Variants in ATP8B4 observed in about 807,000 individuals in gnomAD.
The protein encoded by ATP8B4 is ATPase phospholipid transporting 8B4 (putative).
In ATP8B4, 133 loss-of-function variants were observed where a neutral mutation model predicts 145.6. The observed-to-expected ratio is 0.91, with a 90% confidence interval of 0.79 to 1.05. ATP8B4 has a LOEUF of 1.05. Among genes scored for constraint, ATP8B4 ranks in the 50% least tolerant of loss-of-function variants. ATP8B4 has a pLI of 0.00. For missense variants in ATP8B4, 1,458 were observed against 1,425.2 expected (o/e 1.02, Z -0.37); for synonymous variants, 507 against 492.9 (o/e 1.03, Z -0.38).
At chr15:49,905,236 T>C (rs2038474669) in intron 20 of ATP8B4, among the ~76,000 whole-genome samples, 1 of 152,242 alleles carries the variant, frequency 6.6e-6, no homozygotes, top group South Asian at 2.1e-4. Flanking sequence ...TGAAATAATC[T>C]AAGCACATTT....
intron 6 of ATP8B4, among the ~76,000 whole-genome samples, chr15:50,034,456 C>T (rs2050687027): frequency 6.6e-6 from 1 of 152,124 alleles, no homozygotes; most frequent in Non-Finnish European, 1.5e-5. Context: ...TCTCAAACTC[C>T]TGATCTCAGG....
intron 25 of ATP8B4, among the ~76,000 whole-genome samples, chr15:49,867,457 C>G (rs946682055): frequency 2.0e-5 from 3 of 152,192 alleles, no homozygotes; most frequent in Non-Finnish European, 4.4e-5. Flanking sequence ...AAAAGTACAG[C>G]CTTTTCTCCC....
intron 14 of ATP8B4, among the ~76,000 whole-genome samples, chr15:49,953,363 G>A (rs1178170796): frequency 2.0e-5 from 3 of 152,184 alleles, no homozygotes; most frequent in Admixed American, 6.5e-5. Context: ...CCCCCTAGGG[G>A]CTCAGGTCCA....
intron 1 of ATP8B4, among the ~76,000 whole-genome samples, chr15:50,148,397 C>T (rs766047732): frequency 3.9e-5 from 6 of 152,040 alleles, no homozygotes; most frequent in East Asian, 1.9e-4. Context: ...GAATGTGTCC[C>T]CTCCAAAATG....
intron 1 of ATP8B4, among the ~76,000 whole-genome samples, chr15:50,172,487 TC>T (rs1405062559): frequency 6.6e-6 from 1 of 152,196 alleles, no homozygotes; most frequent in African/African-American, 2.4e-5. Flanking sequence ...TGATCTCGGC[TC>T]GCTACAACCT....
At chr15:49,881,285 G>A (rs2035373517) in intron 23 of ATP8B4, among the ~76,000 whole-genome samples, 1 of 152,220 alleles carries the variant, frequency 6.6e-6, no homozygotes, top group South Asian at 2.1e-4. Context: ...ATAATCTCAA[G>A]AGCATAAATA....
chr15:50,133,413 T>C (rs2044075561), intron 1 of ATP8B4, among the ~76,000 whole-genome samples: 2 of 147,782 alleles, frequency 1.4e-5, no homozygotes, highest in African/African-American at 4.9e-5. Flanking sequence ...ACTTCATCTC[T>C]ACAAAAAAAA....
intron 1 of ATP8B4, among the ~76,000 whole-genome samples, chr15:50,114,103 C>CTTGTTTT (rs2057080609): frequency 1.8e-5 from 1 of 55,644 alleles, no homozygotes; most frequent in Non-Finnish European, 3.1e-5. Context: ...CTCCTAGTTT[C>CTTGTTTT]TTTTTTTTTT....
intron 9 of ATP8B4, among the ~76,000 whole-genome samples, chr15:49,995,904 A>C (rs931427259): frequency 1.3e-5 from 2 of 151,886 alleles, no homozygotes; most frequent in East Asian, 3.9e-4. Flanking sequence ...AAAATCCTAC[A>C]ATCAGTGTCT....
chr15:50,069,366 G>T (rs906869781), intron 3 of ATP8B4, among the ~76,000 whole-genome samples: 1 of 152,098 alleles, frequency 6.6e-6, no homozygotes. Flanking sequence ...AATGTGATTT[G>T]CAGCTTTAGA....
intron 1 of ATP8B4, among the ~76,000 whole-genome samples, chr15:50,147,618 T>TGGAACATCTTTTGTTTC (rs956519865): frequency 6.6e-6 from 1 of 152,146 alleles, no homozygotes; most frequent in Admixed American, 6.5e-5. Context: ...AAGGTGATCC[T>TGGAACATCTTTTGTTTC]GGAACATCTT....
intron 17 of ATP8B4, among the ~76,000 whole-genome samples, chr15:49,921,347 CTGAT>C (rs1322350765): frequency 6.6e-6 from 1 of 152,138 alleles, no homozygotes; most frequent in African/African-American, 2.4e-5. Context: ...ATTAGTCAAA[CTGAT>C]TGGGGAAGCA....
chr15:50,145,490 G>C (rs2044264373), intron 1 of ATP8B4, among the ~76,000 whole-genome samples: 1 of 152,148 alleles, frequency 6.6e-6, no homozygotes. Flanking sequence ...GTGGGAGTCT[G>C]TCCTAAACAC....
Position 50,020,052 on chromosome 15 carries a change from G to T in ATP8B4, c.363-9135C>A, listed in dbSNP as rs571114404. On this transcript the variant is annotated intron_variant, in intron 6 of 27. Transcript: ENST00000284509. ...TGCTTGCTGCAGCCTTGAATTTCCA[G>T]GCATCAATCCTCCCTCCTCAGCCTC... Among the ~76,000 whole-genome samples, 13 of 151,944 alleles carry T rather than the reference G, an allele frequency of 8.6e-5. No individual in the cohort carries two copies. In the South Asian group the frequency reaches 2.5e-3, roughly 29 times the overall value.
chr15:50,119,666 C>A (rs187536698), upstream of ATP8B4, among the ~76,000 whole-genome samples: 1 of 151,970 alleles, frequency 6.6e-6, no homozygotes, highest in East Asian at 1.9e-4. Context: ...CTTTTACCAG[C>A]CCTTGACTGA....
At chr15:50,122,997 A>T (rs926057775), upstream of ATP8B4, among the ~76,000 whole-genome samples, 1 of 152,194 alleles carries the variant, frequency 6.6e-6, no homozygotes, top group African/African-American at 2.4e-5. Flanking sequence ...TTCATATGAA[A>T]ATTGTATATG....
intron 13 of ATP8B4, among the ~76,000 whole-genome samples, chr15:49,966,985 G>C (rs2044610646): frequency 1.3e-5 from 2 of 152,158 alleles, no homozygotes; most frequent in Non-Finnish European, 2.9e-5. Context: ...ACAGGGTCTG[G>C]AGTGGACCTC....
intron 14 of ATP8B4, among the ~76,000 whole-genome samples, chr15:49,938,320 C>G (rs1194365651): frequency 2.0e-5 from 3 of 152,056 alleles, no homozygotes; most frequent in African/African-American, 7.2e-5. Context: ...CTACATGCCC[C>G]ACTTAAAAGG....
chr15:49,996,860 A>G (rs144952545), intron 8 of ATP8B4, 101 bp from the exon 9 acceptor site: 2 of 795,198 alleles, frequency 2.5e-6, no homozygotes, highest in East Asian at 2.7e-5. Context: ...GCCAAACCCA[A>G]GAGATCCAAG....
Sources: gnomAD v4.1 joint callset for allele counts (sites outside exome capture counted in the v4.1 genomes callset) on GRCh38, gnomAD v4.1.1 for gene constraint, MANE v1.5 for transcripts, NCBI Gene and HGNC (gene_info 2026-07-23, HGNC 2026-07-21) for gene names.